Variants in CADM2 observed in about 807,000 individuals in gnomAD.
CADM2 encodes the protein cell adhesion molecule 2.
CADM2 carries 12 observed loss-of-function variants against 49.8 expected under a neutral mutation model. The observed-to-expected ratio is 0.24, with a 90% CI of 0.15 to 0.39. The LOEUF (loss-of-function observed/expected upper bound fraction) is 0.39, where lower values mean the gene tolerates loss of function less well. Ranked by LOEUF, CADM2 falls within the 10% of genes least tolerant of loss-of-function variation. The pLI is 1.00. For missense variants in CADM2, 378 were observed against 492.3 expected, an observed-to-expected ratio of 0.77 and a Z score of 2.20; for synonymous variants, 214 against 175.4, an observed-to-expected ratio of 1.22 and a Z score of -1.74.
chr3:85,946,062 A>C (rs1273060054), intron 7 of CADM2, among the ~76,000 whole-genome samples: 1 of 152,180 alleles, frequency 6.6e-6, no homozygotes, highest in African/African-American at 2.4e-5. Flanking sequence ...CTTTAAGCTG[A>C]TAAGCAACTT....
At chr3:85,980,704 C>T (rs888184136) in intron 8 of CADM2, among the ~76,000 whole-genome samples, 1 of 151,484 alleles carries the variant, frequency 6.6e-6, no homozygotes, top group Non-Finnish European at 1.5e-5. Context: ...TTCTACTTTG[C>T]TTTAATTTGT....
chr3:85,118,482 A>G (rs2038725024), intron 1 of CADM2, among the ~76,000 whole-genome samples: 1 of 152,142 alleles, frequency 6.6e-6, no homozygotes, highest in African/African-American at 2.4e-5. Flanking sequence ...CGAACATGGC[A>G]GCAGGCAAAG....
chr3:86,024,212 C>T (rs538137079), intron 8 of CADM2, among the ~76,000 whole-genome samples: 5 of 152,312 alleles, frequency 3.3e-5, no homozygotes, highest in Admixed American at 3.3e-4. Flanking sequence ...TAGGCTGACC[C>T]CTTTAACAGG....
chr3:84,979,511 G>C (rs1001688616), intron 1 of CADM2, among the ~76,000 whole-genome samples: 4 of 152,064 alleles, frequency 2.6e-5, no homozygotes, highest in East Asian at 3.9e-4. Flanking sequence ...TGAGTAACTA[G>C]AAGAGGTATC....
chr3:86,013,357 T>C (rs1731795296), intron 8 of CADM2: 3 of 1,541,612 alleles, frequency 1.9e-6, no homozygotes, highest in Middle Eastern at 4.7e-4. Flanking sequence ...TTTGAATTAT[T>C]GATTCTGATG....
At chr3:85,258,438 C>G (rs776520908) in intron 1 of CADM2, among the ~76,000 whole-genome samples, 3 of 151,790 alleles carry the variant, frequency 2.0e-5, no homozygotes, top group Non-Finnish European at 4.4e-5. Flanking sequence ...CAGTTCACAC[C>G]TTTCCTTTTC....
chr3:85,278,650 G>A (rs943532946), intron 1 of CADM2, among the ~76,000 whole-genome samples: 1 of 151,060 alleles, frequency 6.6e-6, no homozygotes, highest in African/African-American at 2.4e-5. Context: ...TAGGGATAGT[G>A]CATGCTCTCT....
intron 5 of CADM2, among the ~76,000 whole-genome samples, chr3:85,892,536 C>G (rs1449915011): frequency 6.6e-6 from 1 of 152,058 alleles, no homozygotes; most frequent in Non-Finnish European, 1.5e-5. Flanking sequence ...CTCATGAGAT[C>G]TGATGGCTTT....
intron 8 of CADM2, among the ~76,000 whole-genome samples, chr3:86,017,537 C>A (rs867547894): frequency 5.4e-4 from 82 of 151,888 alleles, no homozygotes; most frequent in Admixed American, 2.0e-3. Flanking sequence ...GGAGAGCAGA[C>A]TGGGAAACTT....
chr3:86,055,079 G>A (rs974234401), intron 8 of CADM2, among the ~76,000 whole-genome samples: 1 of 152,138 alleles, frequency 6.6e-6, no homozygotes, highest in Non-Finnish European at 1.5e-5. Flanking sequence ...ACTGTGAAAT[G>A]AATTTTAGCA....
At chr3:85,511,959 A>T (rs1197281520) in intron 1 of CADM2, 2 of 792,312 alleles carry the variant, frequency 2.5e-6, no homozygotes, top group Non-Finnish European at 3.1e-6. Context: ...ATAAATATAT[A>T]TGTGGTTTTG....
At chr3:85,819,571 A>G (rs2073424132) in intron 3 of CADM2, among the ~76,000 whole-genome samples, 1 of 152,160 alleles carries the variant, frequency 6.6e-6, no homozygotes, top group African/African-American at 2.4e-5. Context: ...AAGATCTTAA[A>G]GCTCCCTACC....
At chr3:85,560,964 T>A (rs1530739) in intron 1 of CADM2, among the ~76,000 whole-genome samples, 77,944 of 152,068 alleles carry the variant, frequency 0.51, 23,067 homozygotes, top group East Asian at 0.85. Flanking sequence ...CATTAATATG[T>A]GCCCATGATA....
At chr3:85,899,048 C>T (rs1468039051) in intron 5 of CADM2, among the ~76,000 whole-genome samples, 1 of 143,524 alleles carries the variant, frequency 7.0e-6, no homozygotes, top group Non-Finnish European at 1.5e-5. Context: ...TCACTGCAAC[C>T]TCTGCCTCCT....
rs867290644 is a variant in CADM2 at position 86,066,768 on chromosome 3, A to G, written c.1200A>G (p.Lys400=). The change falls in exon 10 of 10, where the codon AAA becomes AAG. Residue 400 remains lysine (K), a synonymous_variant. Coordinates refer to ENST00000383699, the MANE Select transcript of CADM2 (RefSeq NM_001167675.2). ...EGSQVNAEEK[K]EYFI ...GCCAAGTCAATGCTGAAGAGAAAAA[A>G]GAGTATTTCATTTAAGATGCAGGCC... 6.2e-7 allele frequency: 1 copy of G among 1,610,982 alleles called. No homozygotes were observed. Among genetic ancestry groups the G allele is most frequent in the Non-Finnish European group, 8.5e-7 (1 of 1,177,170 alleles).
chr3:85,235,908 C>T (rs574204721), intron 1 of CADM2, among the ~76,000 whole-genome samples: 6 of 152,122 alleles, frequency 3.9e-5, no homozygotes, highest in African/African-American at 4.8e-5. Flanking sequence ...TCTTATTTTA[C>T]GCTGTATATT....
intron 1 of CADM2, among the ~76,000 whole-genome samples, chr3:85,066,150 A>T (rs1559643014): frequency 6.6e-6 from 1 of 152,154 alleles, no homozygotes; most frequent in African/African-American, 2.4e-5. Context: ...TGGAAAGTAA[A>T]TTCAGAAGAG....
chr3:85,922,139 CT>C (rs1240830117), intron 6 of CADM2, among the ~76,000 whole-genome samples: 3 of 151,632 alleles, frequency 2.0e-5, no homozygotes, highest in African/African-American at 7.3e-5. Flanking sequence ...CCTTCTTTTG[CT>C]TCTTTTCTTT....
intron 3 of CADM2, among the ~76,000 whole-genome samples, chr3:85,876,808 T>C (rs2108369664): frequency 6.6e-6 from 1 of 152,280 alleles, no homozygotes; most frequent in South Asian, 2.1e-4. Context: ...CTTATTAAGT[T>C]AATTTGGTCT....
Sources: allele counts gnomAD v4.1 joint callset (sites outside exome capture counted in the v4.1 genomes callset), GRCh38; gene constraint gnomAD v4.1.1; transcripts MANE v1.5; gene names NCBI Gene and HGNC (gene_info 2026-07-23, HGNC 2026-07-21).